The following AGBL4 variants were observed in gnomAD, a reference collection of about 807,000 sequenced individuals.
AGBL4 encodes the protein AGBL carboxypeptidase 4.
In AGBL4, 58 loss-of-function variants were observed where a neutral mutation model predicts 66.4. That is an observed-to-expected ratio of 0.87 (90% CI 0.71 to 1.09). AGBL4 has a LOEUF of 1.09. Ranked by LOEUF, AGBL4 falls within the 50% of genes least tolerant of loss-of-function variation. The pLI, the probability that AGBL4 is intolerant of heterozygous loss-of-function variation, is 0.00. For missense variants in AGBL4, 579 were observed against 631.0 expected (o/e 0.92, Z 0.88); for synonymous variants, 234 against 222.9 (o/e 1.05, Z -0.44).
chr1:49,236,158 T>G (rs1222677822), intron 4 of AGBL4, among the ~76,000 whole-genome samples: 1 of 152,084 alleles, frequency 6.6e-6, no homozygotes, highest in Non-Finnish European at 1.5e-5. Flanking sequence ...GCTTCCTGAA[T>G]AGCTGGGATT....
chr1:49,845,416 T>C (rs1167363502), intron 2 of AGBL4: 1 of 1,403,818 alleles, frequency 7.1e-7, no homozygotes, highest in Non-Finnish European at 1.0e-6. Context: ...GCCCTATGAG[T>C]GCAACAAGTG....
At chr1:49,694,784 G>A (rs1646953377) in intron 3 of AGBL4, among the ~76,000 whole-genome samples, 1 of 152,100 alleles carries the variant, frequency 6.6e-6, no homozygotes, top group Non-Finnish European at 1.5e-5. Context: ...CAAACTAGAA[G>A]AGCAAAGAAC....
Position 48,534,082 on chromosome 1 carries a change from T to C in AGBL4, c.*91A>G. On this transcript the variant is annotated 3_prime_UTR_variant, in exon 14 of 14. Transcript: ENST00000371839. ...ACTAGCCTATGCATTAATCCACAAATCCTTGGAAGCTAGAGAAGAGTGATT... is the reference window on the plus strand; with the variant it reads ...ACTAGCCTATGCATTAATCCACAAACCCTTGGAAGCTAGAGAAGAGTGATT... The C allele has an allele frequency of 6.5e-7, 1 of 1,534,190 alleles. No homozygotes were observed. Among genetic ancestry groups the C allele is most frequent in the Non-Finnish European group, 8.8e-7 (1 of 1,131,840 alleles).
chr1:49,816,578 A>G (rs777785366), intron 2 of AGBL4, among the ~76,000 whole-genome samples: 2 of 152,180 alleles, frequency 1.3e-5, no homozygotes, highest in Non-Finnish European at 2.9e-5. Context: ...GGTTCAGGCA[A>G]TAACCTACGC....
intron 6 of AGBL4, among the ~76,000 whole-genome samples, chr1:48,706,650 G>A (rs1646884683): frequency 6.6e-6 from 1 of 152,082 alleles, no homozygotes; most frequent in Admixed American, 6.6e-5. Flanking sequence ...TAGTAAAAAT[G>A]TAAATAAAAA....
intron 11 of AGBL4, among the ~76,000 whole-genome samples, chr1:48,562,784 G>A (rs111582755): frequency 4.9e-4 from 74 of 152,284 alleles, no homozygotes; most frequent in African/African-American, 1.6e-3. Flanking sequence ...GCTTGGATTC[G>A]AATCCAAGTC....
At chr1:49,636,479 T>C (rs1645674958) in intron 3 of AGBL4, among the ~76,000 whole-genome samples, 1 of 152,122 alleles carries the variant, frequency 6.6e-6, no homozygotes, top group South Asian at 2.1e-4. Context: ...ACATACGAAC[T>C]TTGGAGAAAC....
chr1:48,627,732 A>T (rs1327032595), intron 9 of AGBL4, among the ~76,000 whole-genome samples: 2 of 152,160 alleles, frequency 1.3e-5, no homozygotes, highest in Non-Finnish European at 2.9e-5. Flanking sequence ...CACAGGCAGC[A>T]GCTGAGGAGG....
At chr1:49,587,828 A>C (rs1040815768) in intron 3 of AGBL4, among the ~76,000 whole-genome samples, 12 of 152,124 alleles carry the variant, frequency 7.9e-5, no homozygotes, top group Non-Finnish European at 5.9e-5. Flanking sequence ...ATGATGCAGC[A>C]AGGCAGTGAT....
At chr1:48,551,414 T>C (rs1321460794) in intron 11 of AGBL4, among the ~76,000 whole-genome samples, 1 of 152,236 alleles carries the variant, frequency 6.6e-6, no homozygotes, top group Non-Finnish European at 1.5e-5. Flanking sequence ...AATGCTGGTA[T>C]GCAGTAGCTT....
At chr1:49,396,035 T>G (rs966989239) in intron 3 of AGBL4, among the ~76,000 whole-genome samples, 2 of 151,146 alleles carry the variant, frequency 1.3e-5, no homozygotes, top group African/African-American at 4.9e-5. Context: ...AACCAAATTA[T>G]CCAGTAACCA....
chr1:49,895,943 A>T (rs1386906197), intron 1 of AGBL4, among the ~76,000 whole-genome samples: 4 of 17,020 alleles, frequency 2.4e-4, no homozygotes, highest in African/African-American at 8.0e-4. Context: ...GAATGGGGTA[A>T]AAAAAAAAAA....
chr1:48,942,730 C>T (rs572983244), intron 5 of AGBL4, among the ~76,000 whole-genome samples: 2 of 152,190 alleles, frequency 1.3e-5, no homozygotes, highest in South Asian at 4.1e-4. Context: ...AAAATTAGGG[C>T]TTATAGTCAA....
intron 8 of AGBL4, among the ~76,000 whole-genome samples, chr1:48,650,444 ACCTTCCTTCCTTCCTT>A (rs57012926): frequency 2.2e-4 from 33 of 147,024 alleles, no homozygotes; most frequent in African/African-American, 4.6e-4. Context: ...CTGAGAACCA[ACCTTCCTTCCTTCCTT>A]CCTTCCTTCC....
intron 6 of AGBL4, chr1:48,759,363 A>G: frequency 4.0e-6 from 6 of 1,485,838 alleles, no homozygotes; most frequent in Non-Finnish European, 5.4e-6. Flanking sequence ...TTCCCCAGAC[A>G]ATCCTAAAAT....
At chr1:49,032,773 C>G (rs1485698145) in intron 5 of AGBL4, among the ~76,000 whole-genome samples, 1 of 152,140 alleles carries the variant, frequency 6.6e-6, no homozygotes, top group African/African-American at 2.4e-5. Flanking sequence ...GAGGAAGGGA[C>G]AGATTCTATG....
In AGBL4 at chr1:48,908,190, C is replaced by T. The variant is rs150332472; in HGVS notation, c.595-40960G>A. The stretch of plus-strand genomic sequence containing the variant: ...CTCTCAACCAAACTGTGCTTCTCTC[C>T]TCCAGGCCCCAGCTGACATCTTGTA... On this transcript the variant is annotated intron_variant, in intron 5 of 13. Coordinates refer to ENST00000371839, the MANE Select transcript of AGBL4 (RefSeq NM_032785.4). Among the ~76,000 whole-genome samples, 227 of 152,292 alleles carry T rather than the reference C, an allele frequency of 1.5e-3. 2 individuals are homozygous for T. Among genetic ancestry groups the T allele is most frequent in the African/African-American group, 5.1e-3 (214 of 41,572 alleles).
intron 3 of AGBL4, among the ~76,000 whole-genome samples, chr1:49,689,808 C>A (rs1018756900): frequency 6.6e-6 from 1 of 152,056 alleles, no homozygotes; most frequent in Non-Finnish European, 1.5e-5. Context: ...TTAATTCCTA[C>A]GTGTTTAATT....
At chr1:49,811,746 T>C (rs1306605953) in intron 2 of AGBL4, among the ~76,000 whole-genome samples, 1 of 152,156 alleles carries the variant, frequency 6.6e-6, no homozygotes, top group African/African-American at 2.4e-5. Flanking sequence ...TGAGCCACCA[T>C]GTCCAGCCAA....
Sources: allele counts gnomAD v4.1 joint callset (sites outside exome capture counted in the v4.1 genomes callset), GRCh38; gene constraint gnomAD v4.1.1; transcripts MANE v1.5; gene names NCBI Gene and HGNC (gene_info 2026-07-23, HGNC 2026-07-21).